RETREG1: variants seen among roughly 807,000 people sequenced by gnomAD.
The protein encoded by RETREG1 is reticulophagy regulator 1.
RETREG1 carries 44 observed loss-of-function variants against 54.8 expected under a neutral mutation model. That is an observed-to-expected ratio of 0.80 (90% CI 0.63 to 1.03). The LOEUF (loss-of-function observed/expected upper bound fraction) is 1.03. RETREG1 is among the 50% of genes least tolerant of loss of function. RETREG1 has a pLI of 0.00. For missense variants in RETREG1, 554 were observed against 605.1 expected, an observed-to-expected ratio of 0.92 and a Z score of 0.89; for synonymous variants, 217 against 238.5, an observed-to-expected ratio of 0.91 and a Z score of 0.83.
intron 2 of RETREG1, among the ~76,000 whole-genome samples, chr5:16,568,727 G>C (rs934959230): frequency 1.3e-5 from 2 of 152,124 alleles, no homozygotes; most frequent in Non-Finnish European, 2.9e-5. Flanking sequence ...TGTTCAATGG[G>C]AACAGAGTTG....
intron 3 of RETREG1, among the ~76,000 whole-genome samples, chr5:16,524,339 C>G (rs1188778687): frequency 6.6e-6 from 1 of 152,350 alleles, no homozygotes; most frequent in East Asian, 1.9e-4. Context: ...TTTCCCCCTT[C>G]ACTTTGGTAA....
At chr5:16,549,290 T>C (rs1470857516) in intron 3 of RETREG1, among the ~76,000 whole-genome samples, 2 of 152,192 alleles carry the variant, frequency 1.3e-5, no homozygotes, top group Non-Finnish European at 2.9e-5. Flanking sequence ...TTATAAGCAA[T>C]GTGTAGCTAA....
chr5:16,539,842 T>C (rs1298270580), intron 3 of RETREG1, among the ~76,000 whole-genome samples: 1 of 152,276 alleles, frequency 6.6e-6, no homozygotes, highest in Non-Finnish European at 1.5e-5. Flanking sequence ...TGGGACTTAA[T>C]TCTGCACTTA....
intron 3 of RETREG1, among the ~76,000 whole-genome samples, chr5:16,564,937 T>A (rs1262128705): frequency 6.6e-6 from 1 of 152,218 alleles, no homozygotes; most frequent in Non-Finnish European, 1.5e-5. Context: ...TATTTTGTCC[T>A]CCTTTTGTAC....
At chr5:16,568,131 GCACA>G (rs1219158382) in intron 2 of RETREG1, among the ~76,000 whole-genome samples, 1 of 152,050 alleles carries the variant, frequency 6.6e-6, no homozygotes, top group Non-Finnish European at 1.5e-5. Flanking sequence ...ACGCAGGGAA[GCACA>G]CACTCAAGGT....
intron 1 of RETREG1, among the ~76,000 whole-genome samples, chr5:16,601,395 TTTTTTTTTTC>T (rs1221028638): frequency 4.0e-5 from 6 of 151,678 alleles, no homozygotes; most frequent in African/African-American, 1.5e-4. Flanking sequence ...AATTTTCTTT[TTTTTTTTTTC>T]TTTTTTTTTG....
chr5:16,508,504 A>C, intron 3 of RETREG1: 1 of 1,357,896 alleles, frequency 7.4e-7, no homozygotes, highest in East Asian at 2.4e-5. Context: ...TAAATTAGTC[A>C]TAATATTTTT....
intron 3 of RETREG1, among the ~76,000 whole-genome samples, chr5:16,486,945 G>A (rs1307202343): frequency 5.3e-5 from 8 of 152,190 alleles, no homozygotes; most frequent in East Asian, 3.9e-4. Flanking sequence ...GAGTTGCTAC[G>A]TAATGAAACT....
At chr5:16,611,133 C>G (rs1012929446) in intron 1 of RETREG1, among the ~76,000 whole-genome samples, 27 of 152,102 alleles carry the variant, frequency 1.8e-4, no homozygotes, top group Non-Finnish European at 3.7e-4. Context: ...GGAAACCATT[C>G]TCAGGAAACT....
At chr5:16,592,025 A>T (rs62371271) in intron 1 of RETREG1, among the ~76,000 whole-genome samples, 7,640 of 152,312 alleles carry the variant, frequency 0.05, 198 homozygotes, top group Non-Finnish European at 0.053. Context: ...ACTAGAATAG[A>T]GTCTACAACA....
In RETREG1 at chr5:16,608,297, C is replaced by T. The variant is rs75462811; in HGVS notation, c.320+8355G>A. 7.0e-3 allele frequency among the ~76,000 whole-genome samples: 1,063 copies of T among 152,160 alleles called. 10 individuals carry two copies. Among genetic ancestry groups the T allele is most frequent in the African/African-American group, 0.024 (1,016 of 41,496 alleles). ...CAGTGTTTCAGATCTCATGTGGATCCGGCAACCCAAGATTAATTATCTGTC... is the reference window on the plus strand; with the variant it reads ...CAGTGTTTCAGATCTCATGTGGATCTGGCAACCCAAGATTAATTATCTGTC... On this transcript the variant is annotated intron_variant, in intron 1 of 8. Coordinates refer to ENST00000306320, the MANE Select transcript of RETREG1 (RefSeq NM_001034850.3).
chr5:16,521,348 G>A (rs1032578615), intron 3 of RETREG1, among the ~76,000 whole-genome samples: 2 of 152,084 alleles, frequency 1.3e-5, no homozygotes, highest in East Asian at 1.9e-4. Context: ...TAGTATTGCC[G>A]CTGGTTCAAG....
intron 1 of RETREG1, among the ~76,000 whole-genome samples, chr5:16,589,329 T>TTC (rs1479493952): frequency 1.1e-4 from 16 of 151,808 alleles, no homozygotes; most frequent in African/African-American, 3.9e-4. Flanking sequence ...TTTTTTTTTT[T>TTC]CAAAAAGGAG....
intron 3 of RETREG1, among the ~76,000 whole-genome samples, chr5:16,486,802 G>C (rs565998324): frequency 3.3e-5 from 5 of 152,128 alleles, no homozygotes; most frequent in Non-Finnish European, 7.3e-5. Flanking sequence ...CATCATGCAG[G>C]ACCAACCCTT....
At chr5:16,494,665 G>C (rs752771176) in intron 3 of RETREG1, among the ~76,000 whole-genome samples, 1 of 152,188 alleles carries the variant, frequency 6.6e-6, no homozygotes, top group Non-Finnish European at 1.5e-5. Context: ...GCTTCCTGTA[G>C]AGCCTGCAGA....
rs532110137 is a variant in RETREG1 at position 16,547,703 on chromosome 5, G to A, written c.458+18060C>T. On this transcript the variant is annotated intron_variant, in intron 3 of 8. Coordinates refer to ENST00000306320, the MANE Select transcript of RETREG1 (RefSeq NM_001034850.3). The stretch of plus-strand genomic sequence containing the variant: ...TACATGATGTGTTCAGTCATGTAAC[G>A]GCAGGTTTTACAAACCCCTTTAGCT... Among the ~76,000 whole-genome samples the A allele has an allele frequency of 5.3e-5, 8 of 152,192 alleles. No individual in the cohort carries two copies. In the East Asian group the frequency reaches 1.2e-3, roughly 22 times the overall value.
chr5:16,483,688 G>A (rs1191979548), intron 3 of RETREG1, among the ~76,000 whole-genome samples: 2 of 152,058 alleles, frequency 1.3e-5, no homozygotes, highest in Non-Finnish European at 2.9e-5. Context: ...TTACAATCAG[G>A]GAAACACTCA....
chr5:16,482,857 T>C (rs1738853643), intron 4 of RETREG1: 1 of 161,932 alleles, frequency 6.2e-6, no homozygotes, highest in South Asian at 1.7e-4. Flanking sequence ...ATACTCATTT[T>C]GTTTATATAA....
At chr5:16,541,211 G>A (rs181765424) in intron 3 of RETREG1, among the ~76,000 whole-genome samples, 1 of 152,254 alleles carries the variant, frequency 6.6e-6, no homozygotes, top group Non-Finnish European at 1.5e-5. Flanking sequence ...AATCATGAGG[G>A]CAGAACTCAC....
Sources: gnomAD v4.1 joint callset for allele counts (sites outside exome capture counted in the v4.1 genomes callset) on GRCh38, gnomAD v4.1.1 for gene constraint, MANE v1.5 for transcripts, NCBI Gene and HGNC (gene_info 2026-07-23, HGNC 2026-07-21) for gene names.